The following AGPAT5 variants were observed in gnomAD, a reference collection of about 807,000 sequenced individuals.
AGPAT5 encodes the protein 1-acyl-sn-glycerol-3-phosphate acyltransferase epsilon.
AGPAT5 carries 46 observed loss-of-function variants against 45.6 expected under a neutral mutation model. The observed-to-expected ratio is 1.01, with a 90% CI of 0.80 to 1.29. AGPAT5 has a LOEUF of 1.29. Among genes scored for constraint, AGPAT5 ranks in the 50% most tolerant of loss-of-function variants. The pLI, the probability that AGPAT5 is intolerant of heterozygous loss-of-function variation, is 0.00. For missense variants in AGPAT5, 673 were observed against 450.7 expected, an observed-to-expected ratio of 1.49 and a Z score of -4.47; for synonymous variants, 272 against 167.0, an observed-to-expected ratio of 1.63 and a Z score of -4.85.
In AGPAT5 at chr8:6,758,121, C is replaced by G. The variant is rs972380155; in HGVS notation, c.*733C>G. ...TATAGCAGAACTTTAAATTTCCCAG[C>G]TTTTTGAAGATTTAAGCTACACTAT... On this transcript the variant is annotated 3_prime_UTR_variant, in exon 8 of 8. Coordinates refer to ENST00000285518, the MANE Select transcript of AGPAT5 (RefSeq NM_018361.5). 1 of 152,242 alleles carries G rather than the reference C, an allele frequency of 6.6e-6. No homozygotes were observed. The highest frequency in any genetic ancestry group is 6.5e-5 in the Admixed American group (1 of 15,284). The allele number at this position is 152,242 out of a possible 1,614,324, so 9.4% of individuals were successfully genotyped here. A position where few individuals can be genotyped will look rare whatever the true frequency, so the allele number is the denominator to read the frequency against.
chr8:6,728,303 T>A (rs1800754354), intron 2 of AGPAT5, among the ~76,000 whole-genome samples: 1 of 152,250 alleles, frequency 6.6e-6, no homozygotes, highest in Non-Finnish European at 1.5e-5. Context: ...TAATATAATC[T>A]CAGCTGTAAC....
intron 4 of AGPAT5, among the ~76,000 whole-genome samples, chr8:6,736,854 C>T (rs1237556847): frequency 6.6e-6 from 1 of 152,240 alleles, no homozygotes; most frequent in Admixed American, 6.5e-5. Flanking sequence ...CTGATTCTCT[C>T]TTCACAGTTC....
At chr8:6,727,898 A>T (rs1800740096) in intron 2 of AGPAT5, among the ~76,000 whole-genome samples, 1 of 152,148 alleles carries the variant, frequency 6.6e-6, no homozygotes, top group Admixed American at 6.5e-5. Flanking sequence ...CCTTATTGGT[A>T]AGGTGTGAGT....
At chr8:6,754,529 G>T (rs1237840964) in intron 6 of AGPAT5, among the ~76,000 whole-genome samples, 2 of 152,110 alleles carry the variant, frequency 1.3e-5, no homozygotes, top group African/African-American at 4.8e-5. Flanking sequence ...ATTATCAGGC[G>T]CCTGTGAGTG....
chr8:6,755,015 T>C, intron 6 of AGPAT5, 36 bp from the exon 7 acceptor site: 1 of 1,521,424 alleles, frequency 6.6e-7, no homozygotes, highest in Non-Finnish European at 8.9e-7. Flanking sequence ...AGTTCTAAAA[T>C]AGTAAAAAAA....
At position 6,730,656 on chromosome 8, in the gene AGPAT5, T is replaced by C. The variant is rs200945982; in HGVS notation, c.290-55T>C. On this transcript the variant is annotated intron_variant, in intron 2 of 7. Coordinates refer to ENST00000285518, the MANE Select transcript of AGPAT5 (RefSeq NM_018361.5). Reference sequence around the variant, plus strand: ...TCATAGTACTTTTGAAGCCCATTCATAGTACAACCTGTGAAGAGCCTCATG... The same window carrying C: ...TCATAGTACTTTTGAAGCCCATTCACAGTACAACCTGTGAAGAGCCTCATG... 334 of 1,124,194 alleles carry C rather than the reference T, an allele frequency of 3.0e-4. 1 individual carries two copies. The highest frequency in any genetic ancestry group is 6.0e-4 in the Middle Eastern group (3 of 5,014). The allele number at this position is 1,124,194 out of a possible 1,614,324, so 69.6% of individuals were successfully genotyped here. A position where few individuals can be genotyped will look rare whatever the true frequency, so the allele number is the denominator to read the frequency against.
At chr8:6,739,834 C>A (rs2116922909) in intron 4 of AGPAT5, among the ~76,000 whole-genome samples, 1 of 152,238 alleles carries the variant, frequency 6.6e-6, no homozygotes, top group Non-Finnish European at 1.5e-5. Flanking sequence ...TATTCCTCAT[C>A]TTTAGGGAAA....
At chr8:6,755,838 C>T (rs1180554215) in intron 7 of AGPAT5, among the ~76,000 whole-genome samples, 1 of 152,130 alleles carries the variant, frequency 6.6e-6, no homozygotes, top group Non-Finnish European at 1.5e-5. Context: ...AATAGGTTAA[C>T]AATGAAACTT....
intron 2 of AGPAT5, among the ~76,000 whole-genome samples, chr8:6,726,018 A>AGGGTTGAAGCTACAAG (rs1800675244): frequency 6.6e-6 from 1 of 152,234 alleles, no homozygotes; most frequent in Non-Finnish European, 1.5e-5. Flanking sequence ...TTATAGGACA[A>AGGGTTGAAGCTACAAG]GGGTTGAAGC....
intron 4 of AGPAT5, among the ~76,000 whole-genome samples, chr8:6,737,455 A>G (rs562741315): frequency 6.6e-6 from 1 of 152,364 alleles, no homozygotes; most frequent in Non-Finnish European, 1.5e-5. Context: ...TTTTGTTTCA[A>G]AAAATATATT....
chr8:6,753,461 A>G (rs1321293062), intron 6 of AGPAT5, among the ~76,000 whole-genome samples: 2 of 152,238 alleles, frequency 1.3e-5, no homozygotes, highest in South Asian at 2.1e-4. Context: ...TAGAAATAAG[A>G]TAGGGTGAGA....
chr8:6,724,814 G>A (rs1361399271), intron 1 of AGPAT5, 56 bp from the exon 2 acceptor site: 1 of 520,174 alleles, frequency 1.9e-6, no homozygotes, highest in Non-Finnish European at 3.2e-6. Flanking sequence ...GTCTTCCTTT[G>A]TATATTACAG....
At chr8:6,715,726 A>G (rs1464649355) in intron 1 of AGPAT5, among the ~76,000 whole-genome samples, 1 of 152,324 alleles carries the variant, frequency 6.6e-6, no homozygotes, top group Admixed American at 6.5e-5. Context: ...GCCAATTACA[A>G]TATAGGATAA....
intron 6 of AGPAT5, among the ~76,000 whole-genome samples, chr8:6,748,158 C>T (rs1373377414): frequency 2.0e-5 from 3 of 152,036 alleles, no homozygotes; most frequent in East Asian, 1.9e-4. Context: ...ACTGAGTGCA[C>T]GTTATTAGTC....
At chr8:6,731,746 T>TA (rs11306563) in intron 3 of AGPAT5, among the ~76,000 whole-genome samples, 196 of 145,434 alleles carry the variant, frequency 1.3e-3, no homozygotes, top group African/African-American at 4.2e-3. Context: ...TGTATGATAT[T>TA]AAAAAAAAAA....
intron 3 of AGPAT5, among the ~76,000 whole-genome samples, chr8:6,732,286 G>C (rs1041623308): frequency 1.3e-5 from 2 of 152,178 alleles, no homozygotes; most frequent in African/African-American, 4.8e-5. Context: ...GTGTATTTAA[G>C]AAAGAAAGCA....
In AGPAT5 at chr8:6,747,650, G is replaced by A. The variant is rs143543138; in HGVS notation, c.587-20G>A. 6.1e-5 allele frequency: 98 copies of A among 1,596,838 alleles called. No individual in the cohort carries two copies. The African/African-American group carries it at 1.0e-3, about 17-fold the overall frequency. Reference sequence around the variant, plus strand: ...AGGTGTTTTGTAACTAATTAATGACGGCACTGAATTGACTTCTAGGCCTTG... The same window carrying A: ...AGGTGTTTTGTAACTAATTAATGACAGCACTGAATTGACTTCTAGGCCTTG... On this transcript the variant is annotated intron_variant, in intron 5 of 7. Coordinates refer to ENST00000285518, the MANE Select transcript of AGPAT5 (RefSeq NM_018361.5).
At chr8:6,734,786 G>C (rs1022042885) in intron 4 of AGPAT5, among the ~76,000 whole-genome samples, 34 of 152,004 alleles carry the variant, frequency 2.2e-4, no homozygotes, top group African/African-American at 8.2e-4. Context: ...AGTGGAGTCA[G>C]TCCACTGAGG....
rs1442351110 is a variant in AGPAT5 at position 6,760,354 on chromosome 8, T to C, written c.*2966T>C. Among the ~76,000 whole-genome samples, 1 of 152,102 alleles carries C rather than the reference T, an allele frequency of 6.6e-6. No individual in the cohort carries two copies. Among genetic ancestry groups the C allele is most frequent in the African/African-American group, 2.4e-5 (1 of 41,396 alleles). ...TTGAGATTGCAGTGAGCCATGGACA[T>C]ACCACTGCACTACAGCCTAGGTAAC... On this transcript the variant is annotated 3_prime_UTR_variant, in exon 8 of 8. Transcript: ENST00000285518.
Sources: gnomAD v4.1 joint callset for allele counts (sites outside exome capture counted in the v4.1 genomes callset) on GRCh38, gnomAD v4.1.1 for gene constraint, MANE v1.5 for transcripts, NCBI Gene and HGNC (gene_info 2026-07-23, HGNC 2026-07-21) for gene names.